The following ZC3H12B variants were observed in gnomAD, a reference collection of about 807,000 sequenced individuals.
ZC3H12B encodes the protein probable ribonuclease ZC3H12B.
In ZC3H12B, 7 loss-of-function variants were observed where a neutral mutation model predicts 43.9. The ratio of observed to expected loss-of-function variants is 0.16; its 90% confidence interval spans 0.09 to 0.30. The LOEUF is 0.30. Among genes scored for constraint, ZC3H12B ranks in the 10% least tolerant of loss-of-function variants. ZC3H12B has a pLI of 1.00. For synonymous variants in ZC3H12B, 222 were observed against 241.7 expected (o/e 0.92, Z 0.76); for missense variants, 475 against 670.2 (o/e 0.71, Z 3.22).
At chrX:65,281,344 C>G in the ZC3H12B span, among the ~76,000 whole-genome samples, 1 of 108,978 alleles carries the variant, frequency 9.2e-6, no homozygotes, top group African/African-American at 3.4e-5. Context: ...AAGCGATTCT[C>G]ATGCCTCAGT....
At chrX:65,245,708 C>A in the ZC3H12B span, among the ~76,000 whole-genome samples, 1 of 111,306 alleles carries the variant, frequency 9.0e-6, no homozygotes, top group Non-Finnish European at 1.9e-5. Context: ...AATAGTAAGA[C>A]CTATGTATGA....
chrX:65,504,863 T>C lies in ZC3H12B; in HGVS notation c.*1654T>C, dbSNP rs1453393480. ...TCTAGGAAACAAAACCAGGGGATTT[T>C]ATTTGTGGAAAAAGGAAGTTTCCAA... On this transcript the variant is annotated 3_prime_UTR_variant, in exon 5 of 5. Coordinates refer to ENST00000338957, the Ensembl canonical transcript of ZC3H12B. 5 of 112,884 alleles carry C rather than the reference T, an allele frequency of 4.4e-5. No individual in the cohort carries two copies. In the East Asian group the frequency reaches 1.4e-3, roughly 31 times the overall value. The allele number at this position is 112,884 out of a possible 1,213,427, so 9.3% of individuals were successfully genotyped here.
chrX:65,252,206 G>C, the ZC3H12B span, among the ~76,000 whole-genome samples: 2 of 111,586 alleles, frequency 1.8e-5, no homozygotes, highest in Non-Finnish European at 3.8e-5. Flanking sequence ...TGTGGTTTTT[G>C]TCTTTGGTTC....
chrX:65,312,032 A>C, the ZC3H12B span, among the ~76,000 whole-genome samples: 1 of 111,535 alleles, frequency 9.0e-6, no homozygotes, highest in Non-Finnish European at 1.9e-5. Context: ...ATTAGGAAAA[A>C]TACCTAATGT....
At chrX:65,448,709 C>A (rs749987329) in intron 3 of ZC3H12B, among the ~76,000 whole-genome samples, 1 of 108,959 alleles carries the variant, frequency 9.2e-6, no homozygotes, top group East Asian at 2.9e-4. Flanking sequence ...CCCAGCTACT[C>A]GGGAGGCTGA....
the ZC3H12B span, among the ~76,000 whole-genome samples, chrX:65,223,530 T>C: frequency 2.7e-5 from 3 of 112,482 alleles, no homozygotes; most frequent in Admixed American, 2.8e-4. Context: ...GCAAAGTTAA[T>C]AGACAACCCA....
chrX:65,104,687 AAATC>A, the ZC3H12B span, among the ~76,000 whole-genome samples: 1 of 112,235 alleles, frequency 8.9e-6, no homozygotes, highest in South Asian at 3.7e-4. Flanking sequence ...AGAGAAATGA[AAATC>A]AAACTAAAAG....
At chrX:65,325,626 C>T in the ZC3H12B span, among the ~76,000 whole-genome samples, 1 of 110,609 alleles carries the variant, frequency 9.0e-6, no homozygotes, top group Non-Finnish European at 1.9e-5. Context: ...AAAAAGTTAG[C>T]CCATGTTTAT....
chrX:65,468,614 G>C (rs1437069523), intron 3 of ZC3H12B, among the ~76,000 whole-genome samples: 1 of 102,920 alleles, frequency 9.7e-6, no homozygotes, highest in African/African-American at 3.6e-5. Flanking sequence ...CTCCTGAGTA[G>C]CTGGGACTAC....
the ZC3H12B span, among the ~76,000 whole-genome samples, chrX:65,090,615 C>T: frequency 9.0e-6 from 1 of 111,485 alleles, no homozygotes; most frequent in Non-Finnish European, 1.9e-5. Context: ...GATACCCAGC[C>T]CTACTCCCTG....
chrX:65,112,988 T>G, the ZC3H12B span, among the ~76,000 whole-genome samples: 1 of 111,887 alleles, frequency 8.9e-6, no homozygotes, highest in Admixed American at 9.5e-5. Context: ...TTCAGTGTTA[T>G]AGATGCCATT....
At chrX:65,301,040 T>C in the ZC3H12B span, among the ~76,000 whole-genome samples, 2 of 109,246 alleles carry the variant, frequency 1.8e-5, no homozygotes, top group Non-Finnish European at 3.8e-5. Flanking sequence ...CAGACAATTC[T>C]CAAAAGAAGA....
intron 2 of ZC3H12B, among the ~76,000 whole-genome samples, chrX:65,372,851 T>C (rs2147986091): frequency 8.9e-6 from 1 of 112,050 alleles, no homozygotes; most frequent in South Asian, 3.7e-4. Context: ...CTTGTCTTTT[T>C]ACATTGCTAA....
intron 3 of ZC3H12B, among the ~76,000 whole-genome samples, chrX:65,451,255 T>G (rs1335485448): frequency 9.1e-6 from 1 of 110,395 alleles, no homozygotes; most frequent in African/African-American, 3.3e-5. Context: ...CAGCCTCATT[T>G]TTTTGTTTTT....
rs779609611 is a variant in ZC3H12B, at chrX:65,393,259, T to TA, written n.296-5325dup. ...AATGATCAATAAATACTAAAAAAAT[T>TA]AAAAAAAAATTCAACATCCTTTCTT... On this transcript the variant is annotated intron_variant and non_coding_transcript_variant, in intron 2 of 5. Transcript: ENST00000617377. 1.6e-4 allele frequency among the ~76,000 whole-genome samples: 18 copies of TA among 111,130 alleles called. No homozygotes were observed. In the East Asian group the frequency reaches 2.2e-3, roughly 14 times the overall value.
At chrX:65,238,510 CAT>C in the ZC3H12B span, among the ~76,000 whole-genome samples, 1 of 110,332 alleles carries the variant, frequency 9.1e-6, no homozygotes, top group Admixed American at 9.7e-5. Context: ...GTCTAGATAA[CAT>C]ATCAATATTT....
At chrX:65,374,942 C>T (rs2066324403) in intron 2 of ZC3H12B, among the ~76,000 whole-genome samples, 1 of 111,393 alleles carries the variant, frequency 9.0e-6, no homozygotes, top group Non-Finnish European at 1.9e-5. Context: ...TCAGGTCCTT[C>T]CCATGACACA....
At chrX:65,389,990 A>G (rs1298758759) in intron 2 of ZC3H12B, among the ~76,000 whole-genome samples, 2 of 112,275 alleles carry the variant, frequency 1.8e-5, no homozygotes, top group African/African-American at 6.5e-5. Flanking sequence ...CACAATAGCA[A>G]AGACTTGGAA....
the ZC3H12B span, among the ~76,000 whole-genome samples, chrX:65,166,256 C>T: frequency 9.0e-6 from 1 of 110,913 alleles, no homozygotes; most frequent in Non-Finnish European, 1.9e-5. Flanking sequence ...CAAGTGTACT[C>T]ATTGGTTAAT....
Sources: allele counts gnomAD v4.1 joint callset (sites outside exome capture counted in the v4.1 genomes callset), GRCh38; gene constraint gnomAD v4.1.1; transcripts MANE v1.5; gene names NCBI Gene and HGNC (gene_info 2026-07-23, HGNC 2026-07-21).